Variants in BRF2 observed in about 807,000 individuals in gnomAD.
BRF2 encodes the protein BRF2 general transcription factor IIIB subunit.
In BRF2, 17 loss-of-function variants were observed where a neutral mutation model predicts 26.6. The observed-to-expected ratio is 0.64, with a 90% CI of 0.44 to 0.96. The LOEUF (loss-of-function observed/expected upper bound fraction) is 0.96, where lower values mean the gene tolerates loss of function less well. Ranked by LOEUF, BRF2 falls within the 40% of genes least tolerant of loss-of-function variation. The pLI is 0.00. For synonymous variants in BRF2, 219 were observed against 226.6 expected, an observed-to-expected ratio of 0.97 and a Z score of 0.30; for missense variants, 515 against 537.0, an observed-to-expected ratio of 0.96 and a Z score of 0.40.
Position 37,845,164 on chromosome 8 carries a change from C to T in BRF2, c.586G>A (p.Asp196Asn), listed in dbSNP as rs757943471. 1.2e-6 allele frequency: 2 copies of T among 1,613,166 alleles called. No individual in the cohort carries two copies. The highest frequency in any genetic ancestry group is 1.7e-6 in the Non-Finnish European group (2 of 1,179,642). The change falls in exon 4 of 4, where the codon GAC becomes AAC. Residue 196 changes from aspartate to asparagine, a missense_variant. Asp to Asn is a conservative substitution (Grantham distance 23, BLOSUM62 1). Coordinates refer to ENST00000220659, the MANE Select transcript of BRF2 (RefSeq NM_018310.4). ...GTTCGAGACAGCATCTTCTCTTTGT[C>T]TTCCACGTATTTGGCTGGCACAGAA... ...SPSVPAKYVE[D>N]KEKMLSRTMQ...
In BRF2 at chr8:37,848,668, A is replaced by G. The variant is rs754023927; in HGVS notation, c.155-13T>C. On this transcript the variant is annotated splice_polypyrimidine_tract_variant and intron_variant, in intron 1 of 3. Coordinates refer to ENST00000220659, the MANE Select transcript of BRF2 (RefSeq NM_018310.4). ...GAATATGTTACCTCTGTAAGATAAT[A>G]AACAACAAATAGTGTGCTTAGCCTT... 8 of 1,610,470 alleles carry G rather than the reference A, an allele frequency of 5.0e-6. No homozygotes were observed. The highest frequency in any genetic ancestry group is 2.2e-5 in the South Asian group (2 of 91,016).
intron 3 of BRF2, among the ~76,000 whole-genome samples, chr8:37,845,506 G>A (rs1805939524): frequency 6.6e-6 from 1 of 152,052 alleles, no homozygotes; most frequent in African/African-American, 2.4e-5. Flanking sequence ...ACCATCTTAT[G>A]TGCATGTATA....
At chr8:37,849,559 G>T (rs181401081) in intron 1 of BRF2, 71 bp downstream of exon 1, 33 of 1,251,882 alleles carry the variant, frequency 2.6e-5, no homozygotes, top group Non-Finnish European at 3.6e-5. Context: ...AGTATGGGGG[G>T]AGCGGGGAGG....
Position 37,844,813 on chromosome 8 carries a change from G to A in BRF2, c.937C>T (p.Arg313Trp), listed in dbSNP as rs145626361. 8.4e-5 allele frequency: 135 copies of A among 1,613,964 alleles called. 1 individual carries two copies. The highest frequency in any genetic ancestry group is 1.6e-4 in the Middle Eastern group (1 of 6,084). The change falls in exon 4 of 4, where the codon CGG becomes TGG. Residue 313 changes from arginine (R) to tryptophan (W), a missense_variant. Coordinates refer to ENST00000220659, the MANE Select transcript of BRF2 (RefSeq NM_018310.4). ...GTCTCCACTTCTGCTGTCCCATCCC[G>A]AAAGGCAGAGCGGACCAGTGACTGG... Reference protein sequence around the residue: ...HRQSLVRSAFRDGTAEVETRE... With the variant: ...HRQSLVRSAFWDGTAEVETRE...
At chr8:37,847,932 TTA>T (rs376578813) in intron 2 of BRF2, among the ~76,000 whole-genome samples, 34,423 of 147,106 alleles carry the variant, frequency 0.23, 4,012 homozygotes, top group Middle Eastern at 0.28. Flanking sequence ...TTTTCTTTTA[TTA>T]TTATTATTAT....
In BRF2 at chr8:37,845,057, G is replaced by C. The variant is rs777339671; in HGVS notation, c.693C>G (p.Phe231Leu). 41 of 1,613,790 alleles carry C rather than the reference G, an allele frequency of 2.5e-5. No homozygotes were observed. The highest frequency in any genetic ancestry group is 6.7e-5 in the Admixed American group (4 of 59,996). Reference protein sequence around the residue: ...HPLPVITAATFLAWQSLQPAD... With the variant: ...HPLPVITAATLLAWQSLQPAD... ...CAGGCTGCAGCGACTGCCAAGCCAG[G>C]AAAGTCGCAGCAGTGATGACGGGCA... Residue 231 changes from phenylalanine (F) to leucine (L), a missense_variant, in exon 4 of 4, where the codon TTC becomes TTG. Phe to Leu is a conservative substitution (Grantham distance 22). Transcript: ENST00000220659.
chr8:37,847,282 T>G, intron 2 of BRF2, 107 bp from the exon 3 acceptor site: 1 of 908,798 alleles, frequency 1.1e-6, no homozygotes, highest in South Asian at 1.3e-5. Context: ...GCCTCAGATA[T>G]CAGATGCACA....
rs1285151239 is a variant in BRF2 at position 37,843,881 on chromosome 8, GTTT to G, written c.*606_*608del. The stretch of plus-strand genomic sequence containing the variant: ...GGAATGAAAGTGCCAAAGAAAACAT[GTTT>G]TTAAGAACTCGGGTTTTATACAATA... On this transcript the variant is annotated 3_prime_UTR_variant, in exon 4 of 4. Transcript: ENST00000220659. The G allele has an allele frequency of 1.3e-5, 2 of 152,776 alleles. No individual in the cohort carries two copies. Among genetic ancestry groups the G allele is most frequent in the Admixed American group, 6.5e-5 (1 of 15,282 alleles). The allele number at this position is 152,776 out of a possible 1,614,324, so 9.5% of individuals were successfully genotyped here. A position where few individuals can be genotyped will look rare whatever the true frequency, so the allele number is the denominator to read the frequency against.
At position 37,845,486 on chromosome 8, in the gene BRF2, G is replaced by A. The variant is rs558901148; in HGVS notation, c.537-273C>T. On this transcript the variant is annotated intron_variant, in intron 3 of 3. Transcript: ENST00000220659. ...TTTACAACGTTCTCATTTAATCTACGTGCACGTGCACCATCTTATGTGCAT... is the reference window on the plus strand; with the variant it reads ...TTTACAACGTTCTCATTTAATCTACATGCACGTGCACCATCTTATGTGCAT... 2.0e-5 allele frequency among the ~76,000 whole-genome samples: 3 copies of A among 152,022 alleles called. No homozygotes were observed. The East Asian group carries it at 5.8e-4, about 29-fold the overall frequency.
At position 37,844,375 on chromosome 8, in the gene BRF2, T is replaced by C. The variant is rs1046513330; in HGVS notation, c.*115A>G. 7.1e-7 allele frequency: 1 copy of C among 1,402,840 alleles called. No individual in the cohort carries two copies. Among genetic ancestry groups the C allele is most frequent in the Admixed American group, 2.1e-5 (1 of 47,888 alleles). 86.9% of individuals were successfully genotyped at this position (1,402,840 alleles called of 1,614,324 possible). On this transcript the variant is annotated 3_prime_UTR_variant, in exon 4 of 4. Coordinates refer to ENST00000220659, the MANE Select transcript of BRF2 (RefSeq NM_018310.4). ...CAACTAATGGCAGAGCCCCTCTTGGTTCCTTCAAACAAGAAAAGCAATACC... is the reference window on the plus strand; with the variant it reads ...CAACTAATGGCAGAGCCCCTCTTGGCTCCTTCAAACAAGAAAAGCAATACC...
chr8:37,848,647 A>G lies in BRF2; in HGVS notation c.163T>C (p.Tyr55His), dbSNP rs1478446074. 1.2e-6 allele frequency: 2 copies of G among 1,613,914 alleles called. No homozygotes were observed. Among genetic ancestry groups the G allele is most frequent in the African/African-American group, 2.7e-5 (2 of 75,056 alleles). The change falls in exon 2 of 4, where the codon TAT becomes CAT. Residue 55 changes from tyrosine to histidine, a missense_variant. Physicochemically the swap from Tyr to His is moderately conservative, Grantham distance 83. Coordinates refer to ENST00000220659, the MANE Select transcript of BRF2 (RefSeq NM_018310.4). ...TCGTTTTCCCCTGTGCTTCGGGAAT[A>G]TGTTACCTCTGTAAGATAATAAACA... ...SDEGNLREVTYSRSTGENEQV... is the reference protein window; with the variant it reads ...SDEGNLREVTHSRSTGENEQV...
intron 1 of BRF2, among the ~76,000 whole-genome samples, chr8:37,849,131 C>T (rs528124148): frequency 1.1e-4 from 16 of 152,072 alleles, no homozygotes; most frequent in Non-Finnish European, 1.9e-4. Context: ...GTTACGTTAC[C>T]AAGGCTGGTC....
chr8:37,849,341 T>C (rs963323506), intron 1 of BRF2, among the ~76,000 whole-genome samples: 4 of 152,214 alleles, frequency 2.6e-5, no homozygotes, highest in African/African-American at 9.7e-5. Flanking sequence ...TATAATCGTA[T>C]CGGCAATCCT....
chr8:37,845,875 G>T lies in BRF2; in HGVS notation c.537-662C>A, dbSNP rs1805947099. On this transcript the variant is annotated intron_variant, in intron 3 of 3. Coordinates refer to ENST00000220659, the MANE Select transcript of BRF2 (RefSeq NM_018310.4). ...TATACTTTCAGCTTCCTCTGCAGAT[G>T]ATCCTGCTGAGACAGAGCTGGGCAT... 5.1e-6 allele frequency: 3 copies of T among 585,078 alleles called. No homozygotes were observed. In the South Asian group the frequency reaches 6.3e-5, roughly 12 times the overall value. The allele number at this position is 585,078 out of a possible 1,614,324, so 36.2% of individuals were successfully genotyped here.
chr8:37,845,507 T>C (rs1426351097), intron 3 of BRF2, among the ~76,000 whole-genome samples: 1 of 152,102 alleles, frequency 6.6e-6, no homozygotes, highest in Non-Finnish European at 1.5e-5. Context: ...CCATCTTATG[T>C]GCATGTATAG....
At chr8:37,847,287 T>C in intron 2 of BRF2, 112 bp from the exon 3 acceptor site, 1 of 870,902 alleles carries the variant, frequency 1.1e-6, no homozygotes. Flanking sequence ...AGATATCAGA[T>C]GCACAAATTA....
rs748736849 is a variant in BRF2, at chr8:37,844,986, T to G, written c.764A>C (p.Asn255Thr). 8 of 1,613,994 alleles carry G rather than the reference T, an allele frequency of 5.0e-6. No homozygotes were observed. In the South Asian group the frequency reaches 8.8e-5, roughly 18 times the overall value. Residue 255 changes from asparagine (N) to threonine (T), a missense_variant, in exon 4 of 4, where the codon AAT (asparagine) becomes ACT (threonine). Physicochemically the swap from Asn to Thr is moderately conservative, Grantham distance 65. Coordinates refer to ENST00000220659, the MANE Select transcript of BRF2 (RefSeq NM_018310.4). The stretch of plus-strand genomic sequence containing the variant: ...GGACGCCGGGTAGGGCAGGTCCACA[T>G]TTGCCAATTTACAAAATCGGGCAAG... The part of the protein sequence containing the change: ...CSLARFCKLA[N>T]VDLPYPASSR...
chr8:37,846,446 G>A lies in BRF2; in HGVS notation c.536+408C>T, dbSNP rs916362847. On this transcript the variant is annotated intron_variant, in intron 3 of 3. Transcript: ENST00000220659. ...ATCTTTCTCCCACATCCTTTTACAT[G>A]GGCTTTGGTAAAAAAGAGATGGCCA... Among the ~76,000 whole-genome samples the A allele has an allele frequency of 2.6e-5, 4 of 152,112 alleles. No individual in the cohort carries two copies. The East Asian group carries it at 7.7e-4, about 29-fold the overall frequency.
rs1398966148 is a variant in BRF2, at chr8:37,843,658, G to A, written c.*832C>T. ...CTCTGGCCTCATCACCAAGGTGACA[G>A]AGGACACAGGGGAGGGGGAAAACCC... On this transcript the variant is annotated 3_prime_UTR_variant, in exon 4 of 4. Transcript: ENST00000220659. The A allele has an allele frequency of 1.3e-5, 2 of 152,390 alleles. No individual in the cohort carries two copies. The highest frequency in any genetic ancestry group is 4.8e-5 in the African/African-American group (2 of 41,406). The allele number at this position is 152,390 out of a possible 1,614,324, so 9.4% of individuals were successfully genotyped here. A position where few individuals can be genotyped will look rare whatever the true frequency, so the allele number is the denominator to read the frequency against.
Sources: allele counts gnomAD v4.1 joint callset (sites outside exome capture counted in the v4.1 genomes callset), GRCh38; gene constraint gnomAD v4.1.1; transcripts MANE v1.5; gene names NCBI Gene and HGNC (gene_info 2026-07-23, HGNC 2026-07-21).